OXSR1: variants seen among roughly 807,000 people sequenced by gnomAD.
The protein encoded by OXSR1 is oxidative stress responsive kinase 1, also known as serine/threonine-protein kinase OSR1.
In OXSR1, 24 loss-of-function variants were observed where a neutral mutation model predicts 79.8. The observed-to-expected ratio is 0.30, with a 90% CI of 0.22 to 0.42. The LOEUF is 0.42. OXSR1 is among the 10% of genes least tolerant of loss of function. The pLI is 1.00. For synonymous variants in OXSR1, 226 were observed against 209.2 expected (o/e 1.08, Z -0.69); for missense variants, 430 against 618.4 (o/e 0.70, Z 3.23).
intron 4 of OXSR1, among the ~76,000 whole-genome samples, chr3:38,215,546 A>G (rs1404048112): frequency 6.6e-6 from 1 of 152,256 alleles, no homozygotes; most frequent in East Asian, 1.9e-4. Context: ...CAGACTGATA[A>G]TAGTTGAAAA....
At chr3:38,191,656 G>A (rs1398446813) in intron 3 of OXSR1, among the ~76,000 whole-genome samples, 2 of 152,074 alleles carry the variant, frequency 1.3e-5, no homozygotes, top group Non-Finnish European at 2.9e-5. Context: ...CTATCTGGTT[G>A]AATCTTTAAT....
chr3:38,219,151 TATTTTGGTAAAGGGGGTATTATCACTTAC>T (rs1354641631), intron 5 of OXSR1, among the ~76,000 whole-genome samples: 1 of 152,166 alleles, frequency 6.6e-6, no homozygotes, highest in African/African-American at 2.4e-5. Context: ...TTAACAAGAA[TATTTTGGTAAAGGGGGTATTATCACTTAC>T]ATTCCTTAGC....
At chr3:38,239,048 T>G (rs1702975371) in intron 11 of OXSR1, among the ~76,000 whole-genome samples, 1 of 152,182 alleles carries the variant, frequency 6.6e-6, no homozygotes, top group Non-Finnish European at 1.5e-5. Context: ...CTGCAATATC[T>G]AATCTTCTGC....
intron 11 of OXSR1, among the ~76,000 whole-genome samples, chr3:38,240,794 T>G (rs1703016741): frequency 6.6e-6 from 1 of 151,338 alleles, no homozygotes; most frequent in Non-Finnish European, 1.5e-5. Context: ...CAAAATAAAG[T>G]GCAATAATTA....
intron 1 of OXSR1, among the ~76,000 whole-genome samples, chr3:38,173,172 G>A (rs1055761930): frequency 3.9e-5 from 6 of 152,110 alleles, no homozygotes; most frequent in Non-Finnish European, 8.8e-5. Context: ...AGCTTTAGCT[G>A]GACACATTAT....
intron 2 of OXSR1, 56 bp from the exon 3 acceptor site, chr3:38,190,675 C>A: frequency 1.0e-6 from 1 of 1,003,844 alleles, no homozygotes; most frequent in Non-Finnish European, 1.6e-6. Flanking sequence ...TGCTAACTCA[C>A]AACATTTGTT....
intron 2 of OXSR1, among the ~76,000 whole-genome samples, chr3:38,186,119 A>G (rs1006117364): frequency 2.6e-5 from 4 of 152,118 alleles, no homozygotes; most frequent in Non-Finnish European, 4.4e-5. Context: ...GGGGTTTAAA[A>G]TCAGGAAAGA....
intron 1 of OXSR1, among the ~76,000 whole-genome samples, chr3:38,180,940 T>G (rs1197306640): frequency 6.6e-6 from 1 of 152,176 alleles, no homozygotes; most frequent in Non-Finnish European, 1.5e-5. Flanking sequence ...CCAGACAATT[T>G]AGGATAATCT....
intron 11 of OXSR1, among the ~76,000 whole-genome samples, chr3:38,241,441 C>T (rs539185352): frequency 8.3e-4 from 126 of 152,130 alleles, no homozygotes; most frequent in Non-Finnish European, 1.0e-3. Flanking sequence ...TTGACATTTA[C>T]GCTATAAATT....
chr3:38,185,812 G>T (rs1346302752), intron 2 of OXSR1, among the ~76,000 whole-genome samples: 2 of 151,750 alleles, frequency 1.3e-5, no homozygotes, highest in East Asian at 3.9e-4. Flanking sequence ...TGGCATGGTG[G>T]TATGCACCTG....
chr3:38,222,492 G>A (rs1702608834), intron 6 of OXSR1, among the ~76,000 whole-genome samples: 1 of 152,148 alleles, frequency 6.6e-6, no homozygotes, highest in Admixed American at 6.5e-5. Context: ...AGAGCAGAGT[G>A]GGGAGGGGAA....
At chr3:38,209,494 G>A (rs1000500287) in intron 4 of OXSR1, among the ~76,000 whole-genome samples, 1 of 152,052 alleles carries the variant, frequency 6.6e-6, no homozygotes, top group African/African-American at 2.4e-5. Flanking sequence ...GAACTCCTGG[G>A]TTCAAGCAAT....
At chr3:38,204,141 G>C (rs1314021507) in intron 4 of OXSR1, among the ~76,000 whole-genome samples, 2 of 152,036 alleles carry the variant, frequency 1.3e-5, no homozygotes, top group Non-Finnish European at 2.9e-5. Context: ...GGCAGGTACT[G>C]CCTGGCTACC....
At chr3:38,224,522 A>G (rs1200618154) in intron 7 of OXSR1, 49 bp from the exon 8 acceptor site, 2 of 1,484,976 alleles carry the variant, frequency 1.3e-6, no homozygotes, top group Non-Finnish European at 1.8e-6. Context: ...ACAATAGTTA[A>G]ACTTTACTGA....
chr3:38,201,751 C>G (rs1419679965), intron 4 of OXSR1, among the ~76,000 whole-genome samples: 1 of 151,984 alleles, frequency 6.6e-6, no homozygotes, highest in Non-Finnish European at 1.5e-5. Flanking sequence ...GTGGTCTCAG[C>G]TACTCAGGAG....
At chr3:38,174,604 C>G (rs1195913589) in intron 1 of OXSR1, among the ~76,000 whole-genome samples, 1 of 151,982 alleles carries the variant, frequency 6.6e-6, no homozygotes, top group Admixed American at 6.6e-5. Flanking sequence ...ACAAACACCT[C>G]AGGCTGCAAT....
chr3:38,171,134 C>G (rs975017403), intron 1 of OXSR1, among the ~76,000 whole-genome samples: 2 of 152,150 alleles, frequency 1.3e-5, no homozygotes, highest in Non-Finnish European at 2.9e-5. Context: ...ACACCTGTCA[C>G]GTCCTTCCAG....
chr3:38,213,195 T>G (rs1206619950), intron 4 of OXSR1, among the ~76,000 whole-genome samples: 3 of 152,206 alleles, frequency 2.0e-5, no homozygotes, highest in Non-Finnish European at 4.4e-5. Context: ...TGGTGTATGG[T>G]ACAAAATAAG....
intron 4 of OXSR1, among the ~76,000 whole-genome samples, chr3:38,203,160 C>CT (rs1702198693): frequency 6.6e-6 from 1 of 152,192 alleles, no homozygotes; most frequent in Non-Finnish European, 1.5e-5. Flanking sequence ...TTTGATCTTT[C>CT]TTATAAGTGC....
Sources: allele counts gnomAD v4.1 joint callset (sites outside exome capture counted in the v4.1 genomes callset), GRCh38; gene constraint gnomAD v4.1.1; transcripts MANE v1.5; gene names NCBI Gene and HGNC (gene_info 2026-07-23, HGNC 2026-07-21).